The following PRH1 variants were observed in gnomAD, a reference collection of about 807,000 sequenced individuals.
The protein encoded by PRH1 is proline rich protein HaeIII subfamily 1.
PRH1 carries 7 observed loss-of-function variants against 7.9 expected under a neutral mutation model. The ratio of observed to expected loss-of-function variants is 0.89; its 90% CI spans 0.50 to 1.67. The LOEUF is 1.67. Among genes scored for constraint, PRH1 ranks in the 40% most tolerant of loss-of-function variants. The pLI is 0.00. For missense variants in PRH1, 109 were observed against 223.6 expected, an observed-to-expected ratio of 0.49 and a Z score of 3.27; for synonymous variants, 45 against 80.8, an observed-to-expected ratio of 0.56 and a Z score of 2.38.
intron 1 of PRH1, among the ~76,000 whole-genome samples, chr12:11,075,455 C>A (rs113151617): frequency 6.0e-5 from 6 of 99,934 alleles, no homozygotes; most frequent in Non-Finnish European, 7.2e-5. Context: ...ATAAGTCATA[C>A]TGAGGGAGAA....
At chr12:11,035,986 C>G (rs577703569) in intron 1 of PRH1, among the ~76,000 whole-genome samples, 5 of 152,206 alleles carry the variant, frequency 3.3e-5, no homozygotes, top group Admixed American at 6.5e-5. Flanking sequence ...CTCTGTCCCC[C>G]GGGTTCACGC....
chr12:10,882,099 T>C (rs1295411635), intron 3 of PRH1, 118 bp downstream of exon 3: 4 of 1,526,920 alleles, frequency 2.6e-6, no homozygotes, highest in Admixed American at 2.2e-5. Flanking sequence ...TAACAATTTT[T>C]AGAAATGTGT....
At chr12:10,997,473 C>T (rs1411177252) in intron 1 of PRH1, 2 of 1,613,644 alleles carry the variant, frequency 1.2e-6, no homozygotes, top group Non-Finnish European at 1.7e-6. Flanking sequence ...AACAAAGACC[C>T]CAACACTATC....
intron 1 of PRH1, among the ~76,000 whole-genome samples, chr12:11,084,411 G>A (rs1259406851): frequency 1.4e-5 from 2 of 145,944 alleles, no homozygotes; most frequent in East Asian, 2.0e-4. Flanking sequence ...TCTCAACTTA[G>A]CTATTAAAAC....
chr12:11,105,472 T>C (rs756564463), intron 1 of PRH1, among the ~76,000 whole-genome samples: 1 of 152,210 alleles, frequency 6.6e-6, no homozygotes, highest in African/African-American at 2.4e-5. Context: ...AATATGCCAG[T>C]GGATGAAATC....
chr12:11,165,209 A>G (rs1244395864), intron 1 of PRH1, among the ~76,000 whole-genome samples: 1 of 152,170 alleles, frequency 6.6e-6, no homozygotes, highest in Non-Finnish European at 1.5e-5. Flanking sequence ...AGGCTTTGCC[A>G]CTTTGCATCT....
At chr12:10,916,422 T>A (rs1023592544) in intron 2 of PRH1, among the ~76,000 whole-genome samples, 1 of 152,118 alleles carries the variant, frequency 6.6e-6, no homozygotes, top group East Asian at 1.9e-4. Context: ...AAGATTACAC[T>A]TTTTTTCCTA....
chr12:10,940,726 C>T (rs1950385979), intron 2 of PRH1, among the ~76,000 whole-genome samples: 1 of 152,044 alleles, frequency 6.6e-6, no homozygotes, highest in Admixed American at 6.6e-5. Context: ...TCTTCAATAG[C>T]TAAAAAAGTA....
chr12:11,152,785 A>C (rs1474521824), intron 1 of PRH1, among the ~76,000 whole-genome samples: 1 of 152,192 alleles, frequency 6.6e-6, no homozygotes, highest in Non-Finnish European at 1.5e-5. Context: ...AATGTATATG[A>C]GCAGAGATCT....
chr12:10,976,376 G>A (rs1245626920), intron 1 of PRH1, among the ~76,000 whole-genome samples: 1 of 152,020 alleles, frequency 6.6e-6, no homozygotes, highest in African/African-American at 2.4e-5. Context: ...AAACTAATGA[G>A]AAAAAAGATA....
chr12:10,952,101 A>G (rs1230740726), intron 2 of PRH1, among the ~76,000 whole-genome samples: 2 of 152,224 alleles, frequency 1.3e-5, no homozygotes, highest in African/African-American at 4.8e-5. Flanking sequence ...ACTGATTTCA[A>G]TATCACCTGT....
At position 10,891,062 on chromosome 12, in the gene PRH1, T is replaced by C. The variant is rs117609638; in HGVS notation, c.-58-6787A>G. ...TTTGCAATATGTTGGGATGGTTCTG[T>C]AGGGTCTTTGGTGTCCCTTGGGTCA... On this transcript the variant is annotated intron_variant, in intron 2 of 3. Coordinates refer to the PRH1 transcript ENST00000539853. Among the ~76,000 whole-genome samples the C allele has an allele frequency of 3.9e-3, 593 of 152,224 alleles. 14 individuals are homozygous for C. The East Asian group carries it at 0.046, about 12-fold the overall frequency.
chr12:10,933,686 A>G lies in PRH1; in HGVS notation c.-59+39969T>C, dbSNP rs1950245791. 3.9e-5 allele frequency among the ~76,000 whole-genome samples: 6 copies of G among 152,228 alleles called. No individual in the cohort carries two copies. The South Asian group carries it at 1.2e-3, about 32-fold the overall frequency. On this transcript the variant is annotated intron_variant, in intron 2 of 3. Coordinates refer to the PRH1 transcript ENST00000539853. ...TTTTAAAAAACAATTCTTGTAAAATACTTTTTTGATTAGCCTTCTGACCAT... is the reference window on the plus strand; with the variant it reads ...TTTTAAAAAACAATTCTTGTAAAATGCTTTTTTGATTAGCCTTCTGACCAT...
At chr12:11,136,606 T>C (rs1308634334) in intron 1 of PRH1, among the ~76,000 whole-genome samples, 1 of 152,206 alleles carries the variant, frequency 6.6e-6, no homozygotes, top group African/African-American at 2.4e-5. Context: ...GCATATGTCT[T>C]ATCAATTATA....
chr12:10,939,135 T>G, intron 2 of PRH1: 1 of 1,601,430 alleles, frequency 6.2e-7, no homozygotes, highest in Non-Finnish European at 8.5e-7. Flanking sequence ...GCTATGAAAC[T>G]ATTTCCTAAA....
chr12:11,169,741 G>A (rs1210297726), intron 1 of PRH1, among the ~76,000 whole-genome samples: 1 of 152,134 alleles, frequency 6.6e-6, no homozygotes, highest in African/African-American at 2.4e-5. Context: ...CCAGTTCTCA[G>A]AATTGATCAT....
At chr12:11,039,772 T>A (rs940219553) in intron 1 of PRH1, among the ~76,000 whole-genome samples, 3 of 152,258 alleles carry the variant, frequency 2.0e-5, no homozygotes, top group African/African-American at 7.2e-5. Context: ...TGGCTACTAA[T>A]ACTTTTGTAT....
At chr12:11,170,771 T>C (rs1453022423) in intron 1 of PRH1, among the ~76,000 whole-genome samples, 1 of 152,230 alleles carries the variant, frequency 6.6e-6, no homozygotes, top group Non-Finnish European at 1.5e-5. Context: ...ATGTTTATCA[T>C]TCCTGTCACT....
At chr12:11,004,724 T>C (rs1591798946) in intron 1 of PRH1, among the ~76,000 whole-genome samples, 1 of 152,286 alleles carries the variant, frequency 6.6e-6, no homozygotes, top group Admixed American at 6.5e-5. Context: ...TTTTTTGTTA[T>C]GAACAAGTGT....
Sources: allele counts gnomAD v4.1 joint callset (sites outside exome capture counted in the v4.1 genomes callset), GRCh38; gene constraint gnomAD v4.1.1; transcripts MANE v1.5; gene names NCBI Gene and HGNC (gene_info 2026-07-23, HGNC 2026-07-21).